The following RALGPS1 variants were observed in gnomAD, a reference collection of about 807,000 sequenced individuals.
The protein encoded by RALGPS1 is ras-specific guanine nucleotide-releasing factor RalGPS1.
In RALGPS1, 19 loss-of-function variants were observed where a neutral mutation model predicts 78.8. That is an observed-to-expected ratio of 0.24 (90% confidence interval 0.17 to 0.35). The LOEUF is 0.35. Ranked by LOEUF, RALGPS1 falls within the 10% of genes least tolerant of loss-of-function variation. The pLI, the probability that RALGPS1 is intolerant of heterozygous loss-of-function variation, is 1.00. For synonymous variants in RALGPS1, 228 were observed against 256.3 expected (o/e 0.89, Z 1.06); for missense variants, 454 against 688.3 (o/e 0.66, Z 3.81).
intron 1 of RALGPS1, among the ~76,000 whole-genome samples, chr9:126,923,687 CT>C (rs2130888517): frequency 6.6e-6 from 1 of 152,270 alleles, no homozygotes; most frequent in African/African-American, 2.4e-5. Flanking sequence ...AAGACACAGT[CT>C]TGCTGAGTCA....
At chr9:127,151,270 T>C (rs1156483051) in intron 8 of RALGPS1, among the ~76,000 whole-genome samples, 1 of 151,866 alleles carries the variant, frequency 6.6e-6, no homozygotes, top group Non-Finnish European at 1.5e-5. Context: ...ACCCCATAGA[T>C]TTATATGGAA....
intron 3 of RALGPS1, among the ~76,000 whole-genome samples, chr9:126,967,193 C>T (rs1012838298): frequency 6.6e-6 from 1 of 152,152 alleles, no homozygotes; most frequent in Non-Finnish European, 1.5e-5. Context: ...TCTGAGGGAT[C>T]ATTTTAAAAC....
rs779432887 is a variant in RALGPS1 at position 127,205,623 on chromosome 9, G to A, written c.1248-6508G>A. Among the ~76,000 whole-genome samples the A allele has an allele frequency of 3.9e-5, 6 of 152,200 alleles. No individual in the cohort carries two copies. Among genetic ancestry groups the A allele is most frequent in the Non-Finnish European group, 7.3e-5 (5 of 68,036 alleles). On this transcript the variant is annotated intron_variant, in intron 14 of 18. Transcript: ENST00000259351. The surrounding 1 kb of genome is among the most constrained non-coding windows in gnomAD (Gnocchi z 4.0). The stretch of plus-strand genomic sequence containing the variant: ...CCTCCAGAGTCAGCACCTAGAAAGC[G>A]GGCAGGACGCTCCTTCCATCTTGTG...
intron 8 of RALGPS1, among the ~76,000 whole-genome samples, chr9:127,141,904 T>A (rs958731766): frequency 1.3e-5 from 2 of 152,158 alleles, no homozygotes; most frequent in Admixed American, 6.5e-5. Flanking sequence ...TCATTTGGGG[T>A]TATGTATTCA....
chr9:127,165,651 AC>A lies in RALGPS1; in HGVS notation c.611-417del, dbSNP rs564147958. 2.5e-4 allele frequency among the ~76,000 whole-genome samples: 38 copies of A among 152,312 alleles called. No individual in the cohort carries two copies. The East Asian group carries it at 6.9e-3, about 28-fold the overall frequency. On this transcript the variant is annotated intron_variant, in intron 8 of 18. Transcript: ENST00000259351. ...GGTAGGGGAACAGATAGACAAATAG[AC>A]AGCTGGGCAAATAAAGAAGAAACTG...
intron 8 of RALGPS1, among the ~76,000 whole-genome samples, chr9:127,151,400 C>T (rs1228866722): frequency 2.0e-5 from 3 of 151,978 alleles, no homozygotes; most frequent in Non-Finnish European, 4.4e-5. Context: ...AAAATCAAAG[C>T]AATTGACATA....
At chr9:127,196,179 G>C (rs2061339138) in intron 12 of RALGPS1, among the ~76,000 whole-genome samples, 1 of 152,268 alleles carries the variant, frequency 6.6e-6, no homozygotes, top group Non-Finnish European at 1.5e-5. Context: ...GCTCACCTGT[G>C]CAGCCTCATC....
chr9:127,078,029 C>G (rs746783717), intron 8 of RALGPS1, among the ~76,000 whole-genome samples: 1 of 152,192 alleles, frequency 6.6e-6, no homozygotes, highest in South Asian at 2.1e-4. Flanking sequence ...CTCCCCACCC[C>G]CAGCCCAGGA....
intron 18 of RALGPS1, 48 bp downstream of exon 18, chr9:127,214,890 C>A (rs779386831): frequency 6.2e-7 from 1 of 1,611,362 alleles, no homozygotes; most frequent in Non-Finnish European, 8.5e-7. Flanking sequence ...CCTCTCCCAC[C>A]CTTGGAACTA....
chr9:126,926,015 G>T (rs1464595889), intron 1 of RALGPS1, among the ~76,000 whole-genome samples: 1 of 152,248 alleles, frequency 6.6e-6, no homozygotes, highest in African/African-American at 2.4e-5. Flanking sequence ...TCCTTGGACT[G>T]TGCCAGAAAT....
intron 8 of RALGPS1, among the ~76,000 whole-genome samples, chr9:127,159,340 A>T (rs1464274594): frequency 1.3e-5 from 2 of 152,126 alleles, no homozygotes; most frequent in African/African-American, 4.8e-5. Flanking sequence ...GGGAGCCAGG[A>T]GGTGATTTGG....
chr9:127,101,209 C>T (rs1354109503), intron 8 of RALGPS1, among the ~76,000 whole-genome samples: 1 of 152,260 alleles, frequency 6.6e-6, no homozygotes, highest in Admixed American at 6.5e-5. Context: ...TAGAGCCTTT[C>T]ACCTGCCATG....
intron 14 of RALGPS1, among the ~76,000 whole-genome samples, chr9:127,210,055 C>A (rs938772545): frequency 4.6e-5 from 7 of 152,132 alleles, no homozygotes; most frequent in African/African-American, 1.7e-4. Flanking sequence ...CGCGAAGAGG[C>A]TGAACAGGAA....
intron 8 of RALGPS1, among the ~76,000 whole-genome samples, chr9:127,074,516 C>T (rs1214024954): frequency 1.3e-5 from 2 of 152,166 alleles, no homozygotes; most frequent in Non-Finnish European, 1.5e-5. Flanking sequence ...TGAGAGACAA[C>T]GTTGATGGTA....
At chr9:126,940,400 C>G (rs1262271348) in intron 1 of RALGPS1, among the ~76,000 whole-genome samples, 4 of 151,576 alleles carry the variant, frequency 2.6e-5, no homozygotes, top group African/African-American at 9.7e-5. Context: ...GTGTACTTTT[C>G]TTCAGTCCCT....
At chr9:127,011,593 T>C (rs1420249329) in intron 4 of RALGPS1, among the ~76,000 whole-genome samples, 1 of 152,250 alleles carries the variant, frequency 6.6e-6, no homozygotes, top group Admixed American at 6.5e-5. Flanking sequence ...TTTATTTATA[T>C]CTGGCTGGTA....
In RALGPS1 at chr9:126,990,010, G is replaced by A; in HGVS notation, c.216+12265G>A. 3 of 1,549,958 alleles carry A rather than the reference G, an allele frequency of 1.9e-6. No homozygotes were observed. In the East Asian group the frequency reaches 7.3e-5, roughly 38 times the overall value. On this transcript the variant is annotated intron_variant, in intron 4 of 18. Transcript: ENST00000259351. Reference sequence around the variant, plus strand: ...TGTGGGTCCAGGAACCTGACCCTCTGGCCTTTTGTCTGGATGCCGTTTGCC... The same window carrying A: ...TGTGGGTCCAGGAACCTGACCCTCTAGCCTTTTGTCTGGATGCCGTTTGCC...
At chr9:127,078,455 T>C (rs2050876898) in intron 8 of RALGPS1, among the ~76,000 whole-genome samples, 1 of 152,222 alleles carries the variant, frequency 6.6e-6, no homozygotes, top group Non-Finnish European at 1.5e-5. Flanking sequence ...ATACCAAGTT[T>C]AACTCAAGAT....
intron 8 of RALGPS1, among the ~76,000 whole-genome samples, chr9:127,153,257 CTG>C: frequency 6.6e-6 from 1 of 152,104 alleles, no homozygotes. Context: ...TGAATGAACT[CTG>C]TGAATGCTGA....
Sources: gnomAD v4.1 joint callset for allele counts (sites outside exome capture counted in the v4.1 genomes callset) on GRCh38, gnomAD v4.1.1 for gene constraint, Gnocchi (gnomAD v3.1) non-coding constraint, MANE v1.5 for transcripts, NCBI Gene and HGNC (gene_info 2026-07-23, HGNC 2026-07-21) for gene names.